The following CARMIL1 variants were observed in gnomAD, a reference collection of about 807,000 sequenced individuals.
CARMIL1 encodes the protein capping protein regulator and myosin 1 linker 1.
A neutral mutation model predicts 177.1 loss-of-function variants in CARMIL1; 90 were observed. That is an observed-to-expected ratio of 0.51 (90% confidence interval 0.43 to 0.61). The LOEUF (loss-of-function observed/expected upper bound fraction) is 0.61. Ranked by LOEUF, CARMIL1 falls within the 20% of genes least tolerant of loss-of-function variation. The pLI is 0.00. For synonymous variants in CARMIL1, 577 were observed against 606.2 expected (o/e 0.95, Z 0.71); for missense variants, 1,380 against 1,667.0 (o/e 0.83, Z 3.00).
At chr6:25,465,822 G>A in intron 8 of CARMIL1, 51 bp from the exon 9 acceptor site, 2 of 1,027,630 alleles carry the variant, frequency 1.9e-6, no homozygotes, top group South Asian at 1.3e-5. Context: ...TTAAGTGTCA[G>A]TGTAGCTACT....
Position 25,554,215 on chromosome 6 carries a change from G to A in CARMIL1, c.2592+119G>A. Reference sequence around the variant, plus strand: ...TATTTCACACTATTACAGCTTTATGGTTTGTGATCTTGGTTTTCCTCCTTT... The same window carrying A: ...TATTTCACACTATTACAGCTTTATGATTTGTGATCTTGGTTTTCCTCCTTT... On this transcript the variant is annotated intron_variant, in intron 28 of 36. Transcript: ENST00000329474. This position sits in a 1 kb window ranked among gnomAD's most constrained non-coding sequence, Gnocchi z 4.6. 1.4e-6 allele frequency: 1 copy of A among 740,258 alleles called. No individual in the cohort carries two copies. Among genetic ancestry groups the A allele is most frequent in the Non-Finnish European group, 2.3e-6 (1 of 438,936 alleles). The allele number at this position is 740,258 out of a possible 1,614,324, so 45.9% of individuals were successfully genotyped here.
intron 2 of CARMIL1, among the ~76,000 whole-genome samples, chr6:25,342,470 C>T (rs1339492952): frequency 6.6e-6 from 1 of 152,118 alleles, no homozygotes; most frequent in East Asian, 1.9e-4. Context: ...TTGGGATAGG[C>T]CTACCTGGGT....
intron 23 of CARMIL1, among the ~76,000 whole-genome samples, chr6:25,525,783 A>G (rs372501400): frequency 2.0e-5 from 3 of 152,218 alleles, no homozygotes; most frequent in Admixed American, 6.5e-5. Context: ...TGCAAACACT[A>G]AGACAAACAC....
intron 3 of CARMIL1, among the ~76,000 whole-genome samples, chr6:25,426,148 G>A (rs766572183): frequency 6.6e-6 from 1 of 152,166 alleles, no homozygotes; most frequent in Non-Finnish European, 1.5e-5. Context: ...TCGTGCCAAA[G>A]TAATTGCGTT....
chr6:25,591,412 T>G (rs1298610259), intron 31 of CARMIL1, among the ~76,000 whole-genome samples: 1 of 152,204 alleles, frequency 6.6e-6, no homozygotes, highest in Non-Finnish European at 1.5e-5. Context: ...GTAAAAGCCT[T>G]TCTCTGAGTG....
rs1257464389 is a variant in CARMIL1, at chr6:25,452,804, G to T, written c.614+2093G>T. Among the ~76,000 whole-genome samples, 8 of 152,170 alleles carry T rather than the reference G, an allele frequency of 5.3e-5. No homozygotes were observed. The South Asian group carries it at 6.2e-4, about 12-fold the overall frequency. On this transcript the variant is annotated intron_variant, in intron 8 of 36. Transcript: ENST00000329474. ...TATGAAAAGAAAATCCAGCCTTAAA[G>T]ATGTGTAGTTAGGAAGTATTTTCAA...
chr6:25,297,732 G>A (rs1782530695), intron 2 of CARMIL1, among the ~76,000 whole-genome samples: 1 of 152,186 alleles, frequency 6.6e-6, no homozygotes, highest in East Asian at 1.9e-4. Flanking sequence ...CAGGTTGTCC[G>A]CAGAACTGAA....
At chr6:25,292,816 G>A (rs184980410) in intron 2 of CARMIL1, among the ~76,000 whole-genome samples, 53 of 152,232 alleles carry the variant, frequency 3.5e-4, no homozygotes, top group African/African-American at 1.2e-3. Context: ...TAAGTGATGG[G>A]GGGGAGTAGG....
At chr6:25,351,740 T>C (rs944986386) in intron 2 of CARMIL1, among the ~76,000 whole-genome samples, 1 of 152,202 alleles carries the variant, frequency 6.6e-6, no homozygotes. Context: ...TTAACCTCCC[T>C]GAGCCTCGTT....
intron 2 of CARMIL1, among the ~76,000 whole-genome samples, chr6:25,345,678 G>A (rs183739981): frequency 1.4e-4 from 21 of 152,226 alleles, no homozygotes; most frequent in Non-Finnish European, 2.8e-4. Flanking sequence ...GTGCAGTGGC[G>A]TGATTTCCGC....
At chr6:25,450,879 CTCTTTTTTCTTTTCTTT>C (rs1798788163) in intron 8 of CARMIL1, among the ~76,000 whole-genome samples, 168 bp downstream of exon 8, 1 of 131,010 alleles carries the variant, frequency 7.6e-6, no homozygotes, top group African/African-American at 2.8e-5. Flanking sequence ...CTTCTCTTTT[CTCTTTTTTCTTTTCTTT>C]TCTTTTTTCT....
intron 2 of CARMIL1, among the ~76,000 whole-genome samples, chr6:25,324,707 G>A (rs1308761945): frequency 6.6e-6 from 1 of 152,166 alleles, no homozygotes; most frequent in Non-Finnish European, 1.5e-5. Flanking sequence ...ATCTGATAAA[G>A]TATATGGTAG....
intron 23 of CARMIL1, among the ~76,000 whole-genome samples, chr6:25,527,220 A>C (rs1260056281): frequency 6.6e-6 from 1 of 152,194 alleles, no homozygotes; most frequent in Non-Finnish European, 1.5e-5. Flanking sequence ...GAAATGGTAC[A>C]TGCAAGCAAA....
chr6:25,608,319 T>C (rs1172420740), intron 35 of CARMIL1, among the ~76,000 whole-genome samples: 11 of 152,152 alleles, frequency 7.2e-5, no homozygotes, highest in Admixed American at 7.2e-4. Flanking sequence ...AATTATTCTA[T>C]TATTGGGTTT....
At chr6:25,296,922 TA>T (rs1561948651) in intron 2 of CARMIL1, among the ~76,000 whole-genome samples, 8 of 36,462 alleles carry the variant, frequency 2.2e-4, no homozygotes, top group East Asian at 2.0e-3. Context: ...TCTATCTATC[TA>T]TCTATCTATC....
intron 33 of CARMIL1, 93 bp from the exon 34 acceptor site, chr6:25,604,719 C>A: frequency 2.0e-6 from 2 of 997,276 alleles, no homozygotes; most frequent in South Asian, 1.5e-5. Flanking sequence ...TTAAAGAGCC[C>A]TTCTTTGCTG....
At chr6:25,584,375 G>A (rs1166112038) in intron 31 of CARMIL1, among the ~76,000 whole-genome samples, 4 of 147,294 alleles carry the variant, frequency 2.7e-5, no homozygotes, top group African/African-American at 2.5e-5. Flanking sequence ...AGAAAAGAAA[G>A]GAAGGAAGCT....
At chr6:25,284,745 C>T in intron 1 of CARMIL1, 67 bp from the exon 2 acceptor site, 1 of 870,104 alleles carries the variant, frequency 1.1e-6, no homozygotes, top group South Asian at 1.5e-5. Context: ...AAATATACTC[C>T]TCCAAATGCT....
intron 2 of CARMIL1, among the ~76,000 whole-genome samples, chr6:25,392,960 G>A (rs533066124): frequency 1.3e-5 from 2 of 151,686 alleles, no homozygotes; most frequent in Admixed American, 6.6e-5. Context: ...CATCCATTGA[G>A]TAATCTTTGT....
Sources: gnomAD v4.1 joint callset for allele counts (sites outside exome capture counted in the v4.1 genomes callset) on GRCh38, gnomAD v4.1.1 for gene constraint, Gnocchi (gnomAD v3.1) non-coding constraint, MANE v1.5 for transcripts, NCBI Gene and HGNC (gene_info 2026-07-23, HGNC 2026-07-21) for gene names.